RBBP8: variants seen among roughly 807,000 people sequenced by gnomAD.
RBBP8 encodes the protein RB binding protein 8, endonuclease.
In RBBP8, 88 loss-of-function variants were observed where a neutral mutation model predicts 108.3. The ratio of observed to expected loss-of-function variants is 0.81; its 90% CI spans 0.68 to 0.97. The LOEUF (loss-of-function observed/expected upper bound fraction) is 0.97, where lower values mean the gene tolerates loss of function less well. Among genes scored for constraint, RBBP8 ranks in the 50% least tolerant of loss-of-function variants. RBBP8 has a pLI of 0.00. For synonymous variants in RBBP8, 332 were observed against 348.2 expected, an observed-to-expected ratio of 0.95 and a Z score of 0.52; for missense variants, 1,023 against 1,049.0, an observed-to-expected ratio of 0.98 and a Z score of 0.34.
intron 10 of RBBP8, among the ~76,000 whole-genome samples, chr18:22,992,471 C>T (rs1915765102): frequency 6.6e-6 from 1 of 152,218 alleles, no homozygotes; most frequent in Non-Finnish European, 1.5e-5. Flanking sequence ...GCTGGGATTA[C>T]AGGCATGAGC....
At chr18:23,012,076 C>T (rs773309580) in intron 16 of RBBP8, among the ~76,000 whole-genome samples, 23 of 151,766 alleles carry the variant, frequency 1.5e-4, no homozygotes, top group Non-Finnish European at 2.4e-4. Context: ...TGGTGGCACA[C>T]GCCTGTAGTT....
intron 16 of RBBP8, among the ~76,000 whole-genome samples, chr18:23,015,400 CCTA>C (rs1238063911): frequency 2.6e-5 from 4 of 151,962 alleles, no homozygotes; most frequent in African/African-American, 9.7e-5. Context: ...TACCTCCTAA[CCTA>C]ATTGTTATTT....
Position 22,987,749 on chromosome 18 carries a change from C to T in RBBP8, c.710-1472C>T, listed in dbSNP as rs577721618. 8.5e-5 allele frequency among the ~76,000 whole-genome samples: 13 copies of T among 152,300 alleles called. No individual in the cohort carries two copies. In the East Asian group the frequency reaches 1.9e-3, roughly 23 times the overall value. The stretch of plus-strand genomic sequence containing the variant: ...GATTACAGGCGTGAACCACTGTACC[C>T]GGCTTCACTTTCTCTCTCTTCCTGG... On this transcript the variant is annotated intron_variant, in intron 8 of 18. Coordinates refer to ENST00000327155, the MANE Select transcript of RBBP8 (RefSeq NM_002894.3).
Position 23,024,623 on chromosome 18 carries a change from C to T in RBBP8, c.2597-1520C>T, listed in dbSNP as rs182161264. ...CTGGTCCAGAGGCAATTAGTTATCT[C>T]AGTTGATCATTCAATTACAGATTGA... is the stretch of plus-strand genomic sequence containing the variant. On this transcript the variant is annotated intron_variant, in intron 18 of 18. Transcript: ENST00000327155. 3.3e-5 allele frequency: 5 copies of T among 152,288 alleles called. No homozygotes were observed. In the East Asian group the frequency reaches 9.7e-4, roughly 29 times the overall value. The allele number at this position is 152,288 out of a possible 1,614,324, so 9.4% of individuals were successfully genotyped here. A position where few individuals can be genotyped will look rare whatever the true frequency, so the allele number is the denominator to read the frequency against.
At chr18:23,001,156 T>G (rs374990918) in intron 14 of RBBP8, among the ~76,000 whole-genome samples, 12 of 152,242 alleles carry the variant, frequency 7.9e-5, no homozygotes, top group African/African-American at 2.9e-4. Flanking sequence ...TTCACTGAAT[T>G]TAACACTCTT....
chr18:22,947,310 A>C (rs559033955), intron 3 of RBBP8, among the ~76,000 whole-genome samples: 35 of 152,144 alleles, frequency 2.3e-4, no homozygotes, highest in African/African-American at 8.2e-4. Context: ...TATAACTCGA[A>C]CATAATGTTT....
intron 4 of RBBP8, among the ~76,000 whole-genome samples, chr18:22,967,927 G>A (rs755294204): frequency 6.6e-5 from 10 of 152,136 alleles, no homozygotes; most frequent in South Asian, 4.1e-4. Flanking sequence ...GATTACAGGC[G>A]TGAGCCACTG....
Position 22,993,843 on chromosome 18 carries a change from C to G in RBBP8, c.1935C>G (p.Asn645Lys). Residue 645 changes from asparagine to lysine, a missense_variant, in exon 12 of 19, where the codon AAC (asparagine) becomes AAG (lysine). Coordinates refer to ENST00000327155, the MANE Select transcript of RBBP8 (RefSeq NM_002894.3). ...RTGKIKSLQN[N>K]QDVSFENIQW... Reference sequence around the variant, plus strand: ...GTAAAATAAAGTCTCTACAAAACAACCAAGGTGTGTACACCATAAACAGGA... The same window carrying G: ...GTAAAATAAAGTCTCTACAAAACAAGCAAGGTGTGTACACCATAAACAGGA... 1 of 1,612,566 alleles carries G rather than the reference C, an allele frequency of 6.2e-7. No homozygotes were observed. Among genetic ancestry groups the G allele is most frequent in the Non-Finnish European group, 8.5e-7 (1 of 1,178,770 alleles).
chr18:22,970,043 T>G (rs1040512528), intron 5 of RBBP8, among the ~76,000 whole-genome samples: 1 of 152,214 alleles, frequency 6.6e-6, no homozygotes, highest in Non-Finnish European at 1.5e-5. Context: ...TAAAGTCACA[T>G]AGTATTCGCA....
Position 22,982,413 on chromosome 18 carries a change from T to C in RBBP8, c.604+20T>C. On this transcript the variant is annotated intron_variant, in intron 7 of 18. Coordinates refer to ENST00000327155, the MANE Select transcript of RBBP8 (RefSeq NM_002894.3). ...CAAATGGTAAGAGTTGGAGTTGTAT[T>C]TTAGTTCTCTGGTTTTGTAAACCAG... The C allele has an allele frequency of 6.2e-7, 1 of 1,613,152 alleles. No individual in the cohort carries two copies.
chr18:22,914,871 A>G (rs1482980710), intron 1 of RBBP8, among the ~76,000 whole-genome samples: 3 of 152,184 alleles, frequency 2.0e-5, no homozygotes, highest in Admixed American at 6.6e-5. Context: ...GCTGAATAGA[A>G]AGGAATGAAG....
At chr18:22,964,748 GC>G (rs1453273392) in intron 4 of RBBP8, among the ~76,000 whole-genome samples, 2 of 151,676 alleles carry the variant, frequency 1.3e-5, no homozygotes, top group African/African-American at 4.8e-5. Context: ...TTTTGCTTCA[GC>G]CCCCAAAAAT....
At chr18:23,007,353 T>C (rs970713492) in intron 16 of RBBP8, among the ~76,000 whole-genome samples, 1 of 151,984 alleles carries the variant, frequency 6.6e-6, no homozygotes, top group South Asian at 2.1e-4. Context: ...AAATGTCTTT[T>C]TATTCTATCT....
chr18:23,021,254 A>G (rs1351376557), intron 17 of RBBP8, among the ~76,000 whole-genome samples: 1 of 152,164 alleles, frequency 6.6e-6, no homozygotes, highest in African/African-American at 2.4e-5. Context: ...CGTGTCTACT[A>G]AAAATACAAA....
intron 3 of RBBP8, among the ~76,000 whole-genome samples, chr18:22,919,720 T>G (rs183917891): frequency 5.5e-4 from 83 of 152,132 alleles, no homozygotes; most frequent in Middle Eastern, 3.4e-3. Context: ...CCTGGTGAAT[T>G]TTTGCATTTT....
chr18:23,003,197 G>A (rs1407180588), intron 15 of RBBP8, among the ~76,000 whole-genome samples: 1 of 152,058 alleles, frequency 6.6e-6, no homozygotes, highest in African/African-American at 2.4e-5. Flanking sequence ...GCATCTCTAG[G>A]TTTGATTTCT....
intron 15 of RBBP8, among the ~76,000 whole-genome samples, 160 bp from the exon 16 acceptor site, chr18:23,006,203 G>A (rs758618297): frequency 6.6e-6 from 1 of 151,508 alleles, no homozygotes; most frequent in African/African-American, 2.4e-5. Context: ...AAAAAAAATA[G>A]TTACAAAGTT....
At chr18:22,952,273 G>A (rs1912110209) in intron 4 of RBBP8, among the ~76,000 whole-genome samples, 2 of 152,196 alleles carry the variant, frequency 1.3e-5, no homozygotes, top group Non-Finnish European at 2.9e-5. Context: ...GTAGATAGAT[G>A]TATATGTGAA....
intron 17 of RBBP8, among the ~76,000 whole-genome samples, chr18:23,021,737 T>C (rs2046348763): frequency 6.6e-6 from 1 of 152,080 alleles, no homozygotes; most frequent in Admixed American, 6.5e-5. Flanking sequence ...TCTGAATTTT[T>C]TTTACTGGCC....
Sources: gnomAD v4.1 joint callset for allele counts (sites outside exome capture counted in the v4.1 genomes callset) on GRCh38, gnomAD v4.1.1 for gene constraint, MANE v1.5 for transcripts, NCBI Gene and HGNC (gene_info 2026-07-23, HGNC 2026-07-21) for gene names.